The following OR9Q1 variants were observed in gnomAD, a reference collection of about 807,000 sequenced individuals.
OR9Q1 encodes the protein olfactory receptor 9Q1.
For synonymous variants in OR9Q1, 153 were observed against 148.6 expected (o/e 1.03, Z -0.22); for missense variants, 374 against 378.8 (o/e 0.99, Z 0.11).
At chr11:58,093,594 A>G (rs1238853263) in intron 2 of OR9Q1, among the ~76,000 whole-genome samples, 1 of 151,854 alleles carries the variant, frequency 6.6e-6, no homozygotes, top group Non-Finnish European at 1.5e-5. Context: ...CCTTGTCTCT[A>G]CTTAAAATAC....
At chr11:58,117,617 A>G (rs1197506108) in intron 2 of OR9Q1, 2 of 152,172 alleles carry the variant, frequency 1.3e-5, no homozygotes, top group East Asian at 1.9e-4. Flanking sequence ...AGAGAAGGTA[A>G]TATGGGGTTC....
intron 2 of OR9Q1, among the ~76,000 whole-genome samples, chr11:58,150,528 A>G (rs146387014): frequency 1.3e-5 from 2 of 152,338 alleles, no homozygotes; most frequent in East Asian, 1.9e-4. Flanking sequence ...TCAATCAACG[A>G]TGGATCACAC....
At chr11:58,120,232 T>A (rs1854015101) in intron 2 of OR9Q1, among the ~76,000 whole-genome samples, 1 of 152,148 alleles carries the variant, frequency 6.6e-6, no homozygotes, top group Admixed American at 6.5e-5. Context: ...GACTTGCTAC[T>A]TTTTTATGAC....
chr11:58,109,569 A>G (rs1005986910), intron 2 of OR9Q1: 5 of 457,392 alleles, frequency 1.1e-5, no homozygotes, highest in Admixed American at 7.0e-5. Flanking sequence ...AGAAACTGAG[A>G]AACACTAGGA....
At chr11:58,109,757 TGTC>T (rs1853881336) in intron 2 of OR9Q1, 3 of 363,140 alleles carry the variant, frequency 8.3e-6, no homozygotes, top group African/African-American at 6.4e-5. Context: ...GTTAAGTAAA[TGTC>T]CCAGCCTCTG....
intron 2 of OR9Q1, among the ~76,000 whole-genome samples, chr11:58,138,600 C>A (rs573239553): frequency 6.8e-4 from 103 of 152,280 alleles, no homozygotes; most frequent in Non-Finnish European, 9.1e-4. Context: ...CTTCTCATAG[C>A]ACAGCTGTGC....
intron 2 of OR9Q1, among the ~76,000 whole-genome samples, chr11:58,133,578 G>A (rs1313270122): frequency 6.6e-6 from 1 of 152,186 alleles, no homozygotes; most frequent in African/African-American, 2.4e-5. Flanking sequence ...TCTATAACAT[G>A]GAACTGATAA....
intron 2 of OR9Q1, among the ~76,000 whole-genome samples, chr11:58,099,599 C>T (rs1357097075): frequency 6.6e-6 from 1 of 151,982 alleles, no homozygotes; most frequent in Non-Finnish European, 1.5e-5. Context: ...CATTTGTGTC[C>T]TTTTCCTTGA....
At chr11:58,126,400 GC>G (rs1416587788) in intron 2 of OR9Q1, among the ~76,000 whole-genome samples, 3 of 152,166 alleles carry the variant, frequency 2.0e-5, no homozygotes, top group African/African-American at 7.2e-5. Context: ...GCTTTCATCA[GC>G]TTTTTATTGT....
intron 2 of OR9Q1, among the ~76,000 whole-genome samples, chr11:58,102,825 T>C (rs1853797754): frequency 6.6e-6 from 1 of 152,120 alleles, no homozygotes; most frequent in Admixed American, 6.6e-5. Flanking sequence ...TTTGGAAATT[T>C]TCAGCTATTA....
intron 2 of OR9Q1, among the ~76,000 whole-genome samples, chr11:58,084,380 C>A (rs1055121535): frequency 6.6e-6 from 1 of 151,738 alleles, no homozygotes; most frequent in Non-Finnish European, 1.5e-5. Flanking sequence ...GAACTGGTAC[C>A]AATCCTGCTG....
At chr11:58,156,296 C>G (rs188079472) in intron 2 of OR9Q1, among the ~76,000 whole-genome samples, 1 of 152,294 alleles carries the variant, frequency 6.6e-6, no homozygotes, top group African/African-American at 2.4e-5. Context: ...AAAGCACAAG[C>G]CTGTCCCCAA....
At chr11:58,041,836 T>C (rs1268271370) in intron 1 of OR9Q1, among the ~76,000 whole-genome samples, 3 of 152,172 alleles carry the variant, frequency 2.0e-5, no homozygotes, top group Non-Finnish European at 4.4e-5. Context: ...TTGTCTGATG[T>C]CCTCGGATTC....
chr11:58,082,314 C>A (rs995229934), intron 2 of OR9Q1, among the ~76,000 whole-genome samples: 5 of 151,982 alleles, frequency 3.3e-5, no homozygotes, highest in African/African-American at 9.7e-5. Flanking sequence ...TATTGTGGCA[C>A]TATTTACAAT....
rs535116674 is a variant in OR9Q1, at chr11:58,146,203, G to T, written c.-14-33228G>T. Among the ~76,000 whole-genome samples, 6 of 152,252 alleles carry T rather than the reference G, an allele frequency of 3.9e-5. No homozygotes were observed. In the East Asian group the frequency reaches 1.2e-3, roughly 29 times the overall value. On this transcript the variant is annotated intron_variant, in intron 2 of 2. Coordinates refer to ENST00000335397, the MANE Select transcript of OR9Q1 (RefSeq NM_001005212.4). ...TTTTATTTCTGAAGCATTGTTCATG[G>T]ACCATCTGCCTCAATTAACTCAAGT...
chr11:58,075,667 G>A (rs902482134), intron 2 of OR9Q1, among the ~76,000 whole-genome samples: 20 of 152,322 alleles, frequency 1.3e-4, no homozygotes, highest in Middle Eastern at 3.4e-3. Flanking sequence ...CATGGAATCT[G>A]CTAGCACCTT....
intron 1 of OR9Q1, among the ~76,000 whole-genome samples, chr11:58,027,437 A>G (rs1852986428): frequency 6.6e-6 from 1 of 152,240 alleles, no homozygotes; most frequent in African/African-American, 2.4e-5. Flanking sequence ...TGTATGGACC[A>G]TGAGCTAAGA....
intron 2 of OR9Q1, among the ~76,000 whole-genome samples, chr11:58,070,538 G>A (rs80105580): frequency 0.035 from 5,276 of 152,206 alleles, 103 homozygotes; most frequent in East Asian, 0.062. Flanking sequence ...GTCTCATGTG[G>A]TTGGTTTCCC....
intron 1 of OR9Q1, among the ~76,000 whole-genome samples, chr11:58,034,646 A>C (rs1853077762): frequency 6.6e-6 from 1 of 152,074 alleles, no homozygotes; most frequent in Non-Finnish European, 1.5e-5. Flanking sequence ...CCTTCTTGTT[A>C]TTTACATGGT....
Sources: allele counts gnomAD v4.1 joint callset (sites outside exome capture counted in the v4.1 genomes callset), GRCh38; gene constraint gnomAD v4.1.1; transcripts MANE v1.5; gene names NCBI Gene and HGNC (gene_info 2026-07-23, HGNC 2026-07-21).